Variants in MOXD1 observed in about 807,000 individuals in gnomAD.
MOXD1 encodes DBH-like monooxygenase protein 1.
Under a neutral mutation model 66.6 loss-of-function variants are expected in MOXD1, and 62 were observed. That is an observed-to-expected ratio of 0.93 (90% CI 0.76 to 1.15). MOXD1 has a LOEUF of 1.15. MOXD1 is among the 50% of genes most tolerant of loss of function. The pLI is 0.00. For missense variants in MOXD1, 847 were observed against 754.6 expected (o/e 1.12, Z -1.44); for synonymous variants, 303 against 281.9 (o/e 1.07, Z -0.75).
intron 1 of MOXD1, among the ~76,000 whole-genome samples, chr6:132,375,656 G>A (rs59610715): frequency 0.048 from 7,343 of 152,126 alleles, 559 homozygotes; most frequent in African/African-American, 0.16. Context: ...TCCTGACCTC[G>A]TGATCTGCCC....
intron 4 of MOXD1, among the ~76,000 whole-genome samples, chr6:132,332,345 C>G (rs574986608): frequency 6.6e-6 from 1 of 151,686 alleles, no homozygotes; most frequent in Non-Finnish European, 1.5e-5. Flanking sequence ...TTGGAAGAAG[C>G]AAGCCCTTGG....
chr6:132,381,584 AT>A (rs1275194594), intron 1 of MOXD1, among the ~76,000 whole-genome samples: 1 of 152,208 alleles, frequency 6.6e-6, no homozygotes, highest in Non-Finnish European at 1.5e-5. Context: ...ACAGTCAGCA[AT>A]AAAACCATCA....
chr6:132,324,697 A>C (rs1435038221), intron 6 of MOXD1, among the ~76,000 whole-genome samples: 1 of 152,206 alleles, frequency 6.6e-6, no homozygotes, highest in African/African-American at 2.4e-5. Context: ...GAGATGAATA[A>C]GACACACTTG....
chr6:132,306,742 A>T (rs530659886), intron 10 of MOXD1, among the ~76,000 whole-genome samples: 52 of 152,338 alleles, frequency 3.4e-4, no homozygotes, highest in Middle Eastern at 6.8e-3. Context: ...TCAACCCAGA[A>T]TTTCATATCC....
chr6:132,395,315 C>A (rs1326959791), intron 1 of MOXD1, among the ~76,000 whole-genome samples: 1 of 151,838 alleles, frequency 6.6e-6, no homozygotes, highest in Non-Finnish European at 1.5e-5. Flanking sequence ...GTCCTACACC[C>A]AAAAGTGAAA....
chr6:132,324,252 C>T (rs1162459890), intron 6 of MOXD1, among the ~76,000 whole-genome samples, 155 bp from the exon 7 acceptor site: 1 of 152,020 alleles, frequency 6.6e-6, no homozygotes, highest in African/African-American at 2.4e-5. Context: ...GGGATTCAAG[C>T]AGAGATTAGT....
At chr6:132,397,324 C>A (rs892677856) in intron 1 of MOXD1, among the ~76,000 whole-genome samples, 2 of 152,216 alleles carry the variant, frequency 1.3e-5, no homozygotes, top group Non-Finnish European at 2.9e-5. Context: ...GAATAGACAG[C>A]CAGAACAATG....
In MOXD1 at chr6:132,305,566, C is replaced by T. The variant is rs145266070; in HGVS notation, c.1509-7611G>A. Among the ~76,000 whole-genome samples, 477 of 152,298 alleles carry T rather than the reference C, an allele frequency of 3.1e-3. 1 individual carries two copies. Among genetic ancestry groups the T allele is most frequent in the Non-Finnish European group, 3.0e-3 (201 of 68,018 alleles). On this transcript the variant is annotated intron_variant, in intron 10 of 11. Coordinates refer to ENST00000367963, the MANE Select transcript of MOXD1 (RefSeq NM_015529.4). ...CCCTATGCCAGCCAAATGGGTGAGA[C>T]CCTTCAATAGGGGTTGTACAGGAAT... is the stretch of plus-strand genomic sequence containing the variant.
chr6:132,347,992 G>A lies in MOXD1; in HGVS notation c.664-19398C>T, dbSNP rs1289347495. Among the ~76,000 whole-genome samples the A allele has an allele frequency of 2.6e-5, 4 of 151,952 alleles. No individual in the cohort carries two copies. In the South Asian group the frequency reaches 8.3e-4, roughly 32 times the overall value. The stretch of plus-strand genomic sequence containing the variant: ...AAAAAGAGAAAACAAACTAAACTCA[G>A]GCTATGGCTGCATTAAATAAACACT... On this transcript the variant is annotated intron_variant, in intron 4 of 11. Coordinates refer to ENST00000367963, the MANE Select transcript of MOXD1 (RefSeq NM_015529.4).
intron 10 of MOXD1, among the ~76,000 whole-genome samples, chr6:132,308,003 G>GA (rs1309088026): frequency 6.8e-6 from 1 of 146,464 alleles, no homozygotes; most frequent in Non-Finnish European, 1.5e-5. Context: ...CAGAAGACAA[G>GA]AAATAACTAA....
At chr6:132,334,125 T>C (rs1430063196) in intron 4 of MOXD1, among the ~76,000 whole-genome samples, 1 of 152,206 alleles carries the variant, frequency 6.6e-6, no homozygotes, top group Non-Finnish European at 1.5e-5. Flanking sequence ...ATGCCTCACA[T>C]AGCCCCTGCA....
chr6:132,398,402 T>C (rs1205042700), intron 1 of MOXD1, among the ~76,000 whole-genome samples: 1 of 152,144 alleles, frequency 6.6e-6, no homozygotes, highest in African/African-American at 2.4e-5. Context: ...TAAAATTAAA[T>C]TTAAAAGGAT....
At chr6:132,323,459 G>A (rs1448302728) in intron 7 of MOXD1, among the ~76,000 whole-genome samples, 1 of 152,092 alleles carries the variant, frequency 6.6e-6, no homozygotes, top group East Asian at 1.9e-4. Context: ...AAAACTTGAA[G>A]TGAAAATTGT....
At chr6:132,322,068 T>C (rs990296124) in intron 8 of MOXD1, among the ~76,000 whole-genome samples, 2 of 152,078 alleles carry the variant, frequency 1.3e-5, no homozygotes, top group Non-Finnish European at 2.9e-5. Context: ...AAAATAAGGG[T>C]AGAAAATTAT....
At chr6:132,377,117 T>C (rs1306785081) in intron 1 of MOXD1, among the ~76,000 whole-genome samples, 1 of 152,208 alleles carries the variant, frequency 6.6e-6, no homozygotes, top group Non-Finnish European at 1.5e-5. Flanking sequence ...CTCCAGAAAT[T>C]AGCTATGTCA....
At chr6:132,399,480 A>G (rs1473786987) in intron 1 of MOXD1, among the ~76,000 whole-genome samples, 2 of 152,194 alleles carry the variant, frequency 1.3e-5, no homozygotes, top group African/African-American at 2.4e-5. Context: ...GTCCTATGCA[A>G]TCTCTATGAA....
At chr6:132,326,044 GT>G (rs1562282805) in intron 6 of MOXD1, among the ~76,000 whole-genome samples, 1 of 152,000 alleles carries the variant, frequency 6.6e-6, no homozygotes, top group African/African-American at 2.4e-5. Flanking sequence ...TTCCTTATAA[GT>G]TTGACAGGGA....
At chr6:132,349,482 C>T (rs201924751) in intron 4 of MOXD1, among the ~76,000 whole-genome samples, 4,146 of 16,854 alleles carry the variant, frequency 0.25, 1,034 homozygotes, top group African/African-American at 0.48. Flanking sequence ...TATATATATA[C>T]ATATATATAT....
chr6:132,338,981 A>C (rs566569045), intron 4 of MOXD1, among the ~76,000 whole-genome samples: 1 of 152,376 alleles, frequency 6.6e-6, no homozygotes, highest in South Asian at 2.1e-4. Flanking sequence ...AAGTAAGTCT[A>C]TACAAGTAAT....
Sources: gnomAD v4.1 joint callset for allele counts (sites outside exome capture counted in the v4.1 genomes callset) on GRCh38, gnomAD v4.1.1 for gene constraint, MANE v1.5 for transcripts, NCBI Gene and HGNC (gene_info 2026-07-23, HGNC 2026-07-21) for gene names.